SYT1: variants seen among roughly 807,000 people sequenced by gnomAD.
The protein encoded by SYT1 is synaptotagmin 1, also known as synaptotagmin-1.
SYT1 carries 8 observed loss-of-function variants against 44.8 expected under a neutral mutation model. The ratio of observed to expected loss-of-function variants is 0.18; its 90% CI spans 0.10 to 0.32. SYT1 has a LOEUF of 0.32. Ranked by LOEUF, SYT1 falls within the 10% of genes least tolerant of loss-of-function variation. The pLI, the probability that SYT1 is intolerant of heterozygous loss-of-function variation, is 1.00. For synonymous variants in SYT1, 154 were observed against 188.8 expected (o/e 0.82, Z 1.51); for missense variants, 286 against 509.3 (o/e 0.56, Z 4.22).
intron 1 of SYT1, among the ~76,000 whole-genome samples, chr12:78,966,778 A>G (rs115067438): frequency 6.6e-6 from 1 of 152,312 alleles, no homozygotes; most frequent in African/African-American, 2.4e-5. Flanking sequence ...ACAGATACAT[A>G]TAAAGCATAC....
At chr12:79,151,080 G>T (rs979128115) in intron 3 of SYT1, among the ~76,000 whole-genome samples, 1 of 152,146 alleles carries the variant, frequency 6.6e-6, no homozygotes, top group Non-Finnish European at 1.5e-5. Context: ...GAGGCTGCTG[G>T]CTTCACCTCA....
chr12:79,075,419 T>C (rs1876574362), intron 3 of SYT1, among the ~76,000 whole-genome samples: 2 of 152,212 alleles, frequency 1.3e-5, no homozygotes, highest in African/African-American at 4.8e-5. Flanking sequence ...AGCAAGTGTC[T>C]GTCTCTAAAG....
chr12:79,237,794 A>G (rs1030416981), intron 4 of SYT1, among the ~76,000 whole-genome samples: 1 of 152,250 alleles, frequency 6.6e-6, no homozygotes, highest in African/African-American at 2.4e-5. Context: ...AGTACAGGCC[A>G]TCATCTGTAT....
At chr12:79,407,211 T>C (rs987691935) in intron 9 of SYT1, among the ~76,000 whole-genome samples, 11 of 152,128 alleles carry the variant, frequency 7.2e-5, no homozygotes, top group African/African-American at 2.4e-4. Flanking sequence ...CTGTTACTTA[T>C]GACTAATCAT....
chr12:79,012,650 G>A (rs986845951), intron 2 of SYT1, among the ~76,000 whole-genome samples: 1 of 152,086 alleles, frequency 6.6e-6, no homozygotes, highest in African/African-American at 2.4e-5. Context: ...AGAGCTGAAG[G>A]GAAAATTTAT....
intron 3 of SYT1, among the ~76,000 whole-genome samples, chr12:79,193,462 G>A (rs1184577952): frequency 1.3e-5 from 2 of 152,108 alleles, no homozygotes; most frequent in Non-Finnish European, 2.9e-5. Flanking sequence ...CTATCAATAT[G>A]GTGAGTTAAT....
Position 79,065,894 on chromosome 12 carries a change from A to T in SYT1, c.-18+18532A>T, listed in dbSNP as rs150492432. 7.7e-4 allele frequency among the ~76,000 whole-genome samples: 117 copies of T among 152,276 alleles called. No homozygotes were observed. In the East Asian group the frequency reaches 0.016, roughly 21 times the overall value. ...AGCAGCAAATTTTAAAAGATTAAAA[A>T]TTACGGGGGGGAAGGGAAGAGGAAA... On this transcript the variant is annotated intron_variant, in intron 3 of 10. Transcript: ENST00000261205.
chr12:79,088,740 G>A (rs1224498563), intron 3 of SYT1, among the ~76,000 whole-genome samples: 2 of 88,056 alleles, frequency 2.3e-5, no homozygotes, highest in African/African-American at 5.6e-5. Flanking sequence ...CTTTGGGCCT[G>A]TGTGTGTGTG....
chr12:78,867,832 T>A (rs1377537535), intron 1 of SYT1, among the ~76,000 whole-genome samples: 2 of 151,982 alleles, frequency 1.3e-5, no homozygotes, highest in Non-Finnish European at 2.9e-5. Flanking sequence ...GATTTGCATA[T>A]TAGACTGAAA....
chr12:78,958,123 A>G (rs1231996571), intron 1 of SYT1, among the ~76,000 whole-genome samples: 3 of 152,128 alleles, frequency 2.0e-5, no homozygotes, highest in Non-Finnish European at 2.9e-5. Context: ...ATAAAGATTT[A>G]TCTCCCTTCT....
chr12:79,298,843 G>A (rs1003786879), intron 7 of SYT1, among the ~76,000 whole-genome samples: 3 of 152,084 alleles, frequency 2.0e-5, no homozygotes, highest in African/African-American at 7.2e-5. Context: ...TTATTTTAGG[G>A]AGTAGGTGAG....
chr12:79,062,014 A>T (rs1875425947), intron 3 of SYT1, among the ~76,000 whole-genome samples: 1 of 152,176 alleles, frequency 6.6e-6, no homozygotes, highest in South Asian at 2.1e-4. Context: ...AGCTTATGCT[A>T]GCTTATTTTA....
chr12:78,966,335 C>A (rs533087491), intron 1 of SYT1, among the ~76,000 whole-genome samples: 40 of 151,844 alleles, frequency 2.6e-4, no homozygotes, highest in Middle Eastern at 3.4e-3. Context: ...CCCATCTTAT[C>A]CTCTTAACTC....
chr12:79,092,020 A>G (rs1190873631), intron 3 of SYT1, among the ~76,000 whole-genome samples: 3 of 151,918 alleles, frequency 2.0e-5, no homozygotes, highest in Non-Finnish European at 2.9e-5. Context: ...GAGGCTGGGA[A>G]GCCAATCCAA....
At chr12:78,943,359 C>T (rs1398157718) in intron 1 of SYT1, among the ~76,000 whole-genome samples, 1 of 152,172 alleles carries the variant, frequency 6.6e-6, no homozygotes, top group Non-Finnish European at 1.5e-5. Flanking sequence ...AGGAAGCTTA[C>T]AATCATGGCA....
intron 3 of SYT1, among the ~76,000 whole-genome samples, chr12:79,080,690 A>G (rs1876972509): frequency 6.6e-6 from 1 of 152,180 alleles, no homozygotes; most frequent in Non-Finnish European, 1.5e-5. Flanking sequence ...CAGCAATTAC[A>G]CCAGACAATT....
intron 3 of SYT1, among the ~76,000 whole-genome samples, chr12:79,065,136 G>T (rs1326674557): frequency 6.6e-6 from 1 of 152,170 alleles, no homozygotes; most frequent in Non-Finnish European, 1.5e-5. Flanking sequence ...ACTTTGGGAG[G>T]CTGAGGTGGG....
intron 1 of SYT1, among the ~76,000 whole-genome samples, chr12:78,898,302 G>T (rs1008744229): frequency 1.6e-4 from 25 of 152,022 alleles, no homozygotes; most frequent in East Asian, 9.7e-4. Context: ...GTTTTGCCTT[G>T]TTGTTATCTT....
At chr12:78,867,058 GAA>G (rs35154964) in intron 1 of SYT1, among the ~76,000 whole-genome samples, 5,436 of 143,048 alleles carry the variant, frequency 0.038, 236 homozygotes, top group African/African-American at 0.11. Context: ...ACATTTAAAT[GAA>G]AAAAAAAAAA....
Sources: gnomAD v4.1 joint callset for allele counts (sites outside exome capture counted in the v4.1 genomes callset) on GRCh38, gnomAD v4.1.1 for gene constraint, MANE v1.5 for transcripts, NCBI Gene and HGNC (gene_info 2026-07-23, HGNC 2026-07-21) for gene names.